MYO1D: variants seen among roughly 807,000 people sequenced by gnomAD.
The protein encoded by MYO1D is myosin ID.
In MYO1D, 83 loss-of-function variants were observed where a neutral mutation model predicts 122.0. That is an observed-to-expected ratio of 0.68 (90% confidence interval 0.57 to 0.82). The LOEUF (loss-of-function observed/expected upper bound fraction) is 0.82. Ranked by LOEUF, MYO1D falls within the 40% of genes least tolerant of loss-of-function variation. MYO1D has a pLI of 0.00. For synonymous variants in MYO1D, 464 were observed against 446.9 expected, an observed-to-expected ratio of 1.04 and a Z score of -0.48; for missense variants, 1,157 against 1,269.5, an observed-to-expected ratio of 0.91 and a Z score of 1.35.
At chr17:32,797,184 C>G (rs1158652589) in intron 1 of MYO1D, among the ~76,000 whole-genome samples, 1 of 152,128 alleles carries the variant, frequency 6.6e-6, no homozygotes, top group African/African-American at 2.4e-5. Flanking sequence ...TTGGTCAAGA[C>G]AGTCTTGATC....
At chr17:32,569,262 G>A (rs1256362229) in intron 21 of MYO1D, among the ~76,000 whole-genome samples, 1 of 152,178 alleles carries the variant, frequency 6.6e-6, no homozygotes, top group African/African-American at 2.4e-5. Context: ...ACAGCAATGG[G>A]CATATTTCAC....
chr17:32,867,933 A>C (rs527819077), intron 1 of MYO1D, among the ~76,000 whole-genome samples: 52 of 151,672 alleles, frequency 3.4e-4, no homozygotes, highest in South Asian at 1.5e-3. Flanking sequence ...CAAAAAAAAA[A>C]CTCTAGACTT....
intron 1 of MYO1D, among the ~76,000 whole-genome samples, chr17:32,871,480 C>A (rs1460222343): frequency 6.6e-6 from 1 of 152,116 alleles, no homozygotes; most frequent in Non-Finnish European, 1.5e-5. Context: ...ATGCACAGTG[C>A]TTCAGATGAT....
intron 21 of MYO1D, among the ~76,000 whole-genome samples, chr17:32,590,438 T>G (rs2087429382): frequency 6.6e-6 from 1 of 152,226 alleles, no homozygotes. Flanking sequence ...TCCATGGTTT[T>G]ATTACAGTAC....
intron 1 of MYO1D, among the ~76,000 whole-genome samples, chr17:32,867,628 C>T (rs1031033137): frequency 2.6e-5 from 4 of 151,414 alleles, no homozygotes; most frequent in African/African-American, 9.7e-5. Flanking sequence ...GAAACCCTGT[C>T]GCTACTAAAA....
At chr17:32,551,936 G>A (rs765067025) in intron 21 of MYO1D, among the ~76,000 whole-genome samples, 18 of 152,154 alleles carry the variant, frequency 1.2e-4, no homozygotes, top group Non-Finnish European at 2.5e-4. Context: ...ATCTCCTCCA[G>A]TAAACAAAAG....
At chr17:32,649,978 T>G (rs2088365923) in intron 19 of MYO1D, among the ~76,000 whole-genome samples, 1 of 152,244 alleles carries the variant, frequency 6.6e-6, no homozygotes. Flanking sequence ...TATAGTCAAT[T>G]ACCTTTTAAA....
At position 32,783,390 on chromosome 17, in the gene MYO1D, G is replaced by C. The variant is rs532663196; in HGVS notation, c.96-2606C>G. On this transcript the variant is annotated intron_variant, in intron 1 of 21. Transcript: ENST00000318217. The stretch of plus-strand genomic sequence containing the variant: ...TTTTCTATTAACCTATAGGCACCAT[G>C]TATAAAATAATTAAATGGCTTGGCA... Among the ~76,000 whole-genome samples, 8 of 152,184 alleles carry C rather than the reference G, an allele frequency of 5.3e-5. No individual in the cohort carries two copies. In the East Asian group the frequency reaches 1.5e-3, roughly 29 times the overall value.
At chr17:32,857,800 C>G (rs186033338) in intron 1 of MYO1D, among the ~76,000 whole-genome samples, 1 of 152,230 alleles carries the variant, frequency 6.6e-6, no homozygotes, top group Non-Finnish European at 1.5e-5. Flanking sequence ...GCTCAGACTC[C>G]TCAGAAATTT....
At chr17:32,681,168 G>T (rs918135148) in intron 16 of MYO1D, among the ~76,000 whole-genome samples, 1 of 151,806 alleles carries the variant, frequency 6.6e-6, no homozygotes, top group Non-Finnish European at 1.5e-5. Context: ...CTTGCTAGTG[G>T]TCTATCAATT....
intron 16 of MYO1D, among the ~76,000 whole-genome samples, chr17:32,697,497 C>T (rs754444878): frequency 2.6e-5 from 4 of 152,160 alleles, no homozygotes; most frequent in Non-Finnish European, 5.9e-5. Flanking sequence ...TCTTTCATTG[C>T]CTAGTAGCAT....
intron 21 of MYO1D, chr17:32,594,492 G>C (rs549767476): frequency 1.9e-6 from 1 of 531,084 alleles, no homozygotes; most frequent in African/African-American, 1.9e-5. Flanking sequence ...ATCTCAGTTT[G>C]CCATGTAATC....
chr17:32,554,084 C>G (rs2087046533), intron 21 of MYO1D, among the ~76,000 whole-genome samples: 1 of 152,198 alleles, frequency 6.6e-6, no homozygotes, highest in Non-Finnish European at 1.5e-5. Flanking sequence ...ACCAGTTACT[C>G]TGCTCATCAC....
chr17:32,622,443 G>A (rs2087865573), intron 20 of MYO1D, among the ~76,000 whole-genome samples: 1 of 152,174 alleles, frequency 6.6e-6, no homozygotes, highest in African/African-American at 2.4e-5. Flanking sequence ...TAATGGGGGT[G>A]TGGGGGAGCC....
At chr17:32,702,885 A>G (rs1487727565) in intron 16 of MYO1D, among the ~76,000 whole-genome samples, 1 of 152,190 alleles carries the variant, frequency 6.6e-6, no homozygotes, top group Non-Finnish European at 1.5e-5. Context: ...AAAAACTGGA[A>G]AACTCATAGC....
chr17:32,632,358 T>G (rs2088019497), intron 20 of MYO1D: 1 of 152,062 alleles, frequency 6.6e-6, no homozygotes, highest in Admixed American at 6.6e-5. Context: ...TACTTAACAA[T>G]TAGGAGATTT....
At chr17:32,679,577 T>C (rs1221603309) in intron 16 of MYO1D, among the ~76,000 whole-genome samples, 6 of 152,124 alleles carry the variant, frequency 3.9e-5, no homozygotes, top group East Asian at 3.8e-4. Flanking sequence ...TGTAGGTATG[T>C]GGCGTTATTT....
At chr17:32,822,551 CGGGACGGGGCCCGGGGAGCGTGGGT>C (rs1222514252) in intron 1 of MYO1D, among the ~76,000 whole-genome samples, 3 of 100,914 alleles carry the variant, frequency 3.0e-5, no homozygotes, top group Non-Finnish European at 6.9e-5. Flanking sequence ...CGGGGCGGCT[CGGGACGGGGCCCGGGGAGCGTGGGT>C]GGGAACCGCG....
chr17:32,753,845 C>A (rs1441641807), intron 11 of MYO1D, among the ~76,000 whole-genome samples: 1 of 151,532 alleles, frequency 6.6e-6, no homozygotes, highest in East Asian at 1.9e-4. Context: ...TTGCAGTGAG[C>A]CAAGATTGCA....
Sources: gnomAD v4.1 joint callset for allele counts (sites outside exome capture counted in the v4.1 genomes callset) on GRCh38, gnomAD v4.1.1 for gene constraint, MANE v1.5 for transcripts, NCBI Gene and HGNC (gene_info 2026-07-23, HGNC 2026-07-21) for gene names.